The following CMTM8 variants were observed in gnomAD, a reference collection of about 807,000 sequenced individuals.
The protein encoded by CMTM8 is CKLF-like MARVEL transmembrane domain-containing protein 8.
Under a neutral mutation model 18.6 loss-of-function variants are expected in CMTM8, and 12 were observed. The observed-to-expected ratio is 0.65, with a 90% CI of 0.41 to 1.05. The LOEUF (loss-of-function observed/expected upper bound fraction) is 1.05. Ranked by LOEUF, CMTM8 falls within the 50% of genes least tolerant of loss-of-function variation. CMTM8 has a pLI of 0.00. For missense variants in CMTM8, 217 were observed against 227.2 expected (o/e 0.95, Z 0.29); for synonymous variants, 87 against 90.6 (o/e 0.96, Z 0.23).
chr3:32,366,401 A>G (rs1004327222), intron 2 of CMTM8, among the ~76,000 whole-genome samples: 3 of 152,190 alleles, frequency 2.0e-5, no homozygotes, highest in Non-Finnish European at 4.4e-5. Context: ...CCCCTCGTCC[A>G]CATGGGCTCG....
chr3:32,320,357 T>C (rs1696020266), intron 1 of CMTM8, among the ~76,000 whole-genome samples: 1 of 152,166 alleles, frequency 6.6e-6, no homozygotes, highest in South Asian at 2.1e-4. Context: ...CTTTAAGCTG[T>C]ATGAAAGAAG....
intron 1 of CMTM8, among the ~76,000 whole-genome samples, chr3:32,346,698 A>G (rs1696601778): frequency 6.6e-6 from 1 of 152,158 alleles, no homozygotes; most frequent in African/African-American, 2.4e-5. Context: ...CAAAGGCCCT[A>G]CGTCCTGATA....
intron 2 of CMTM8, among the ~76,000 whole-genome samples, chr3:32,359,613 T>G (rs1696883016): frequency 6.6e-6 from 1 of 151,958 alleles, no homozygotes; most frequent in South Asian, 2.1e-4. Flanking sequence ...ACAAAACTAG[T>G]GATGGGCCAG....
chr3:32,312,083 C>T (rs1695830803), intron 1 of CMTM8, among the ~76,000 whole-genome samples: 1 of 152,162 alleles, frequency 6.6e-6, no homozygotes, highest in African/African-American at 2.4e-5. Context: ...CTTTGTTGAA[C>T]TACAGGGTAT....
At chr3:32,289,784 G>T (rs771127018) in intron 1 of CMTM8, among the ~76,000 whole-genome samples, 3 of 152,120 alleles carry the variant, frequency 2.0e-5, no homozygotes, top group Non-Finnish European at 4.4e-5. Flanking sequence ...TTCATCGTAG[G>T]CCCTGGAGGC....
At chr3:32,285,348 C>T (rs930250381) in intron 1 of CMTM8, among the ~76,000 whole-genome samples, 1 of 151,944 alleles carries the variant, frequency 6.6e-6, no homozygotes, top group Non-Finnish European at 1.5e-5. Context: ...AACCCCATCT[C>T]TACTAAAAAT....
At chr3:32,327,546 G>C (rs1288904540) in intron 1 of CMTM8, among the ~76,000 whole-genome samples, 1 of 152,144 alleles carries the variant, frequency 6.6e-6, no homozygotes, top group Non-Finnish European at 1.5e-5. Flanking sequence ...TTGAATTTGA[G>C]ACTCCCAAGC....
At chr3:32,262,059 G>T (rs1012363249) in intron 1 of CMTM8, among the ~76,000 whole-genome samples, 1 of 152,118 alleles carries the variant, frequency 6.6e-6, no homozygotes, top group Non-Finnish European at 1.5e-5. Flanking sequence ...CCATGGAACT[G>T]GCCTGCCATC....
chr3:32,344,215 G>A (rs1696552883), intron 1 of CMTM8, among the ~76,000 whole-genome samples: 1 of 152,188 alleles, frequency 6.6e-6, no homozygotes, highest in African/African-American at 2.4e-5. Flanking sequence ...TCAGAGGTAT[G>A]CTGAGATCTC....
intron 2 of CMTM8, among the ~76,000 whole-genome samples, chr3:32,359,987 G>A (rs1002598004): frequency 6.6e-6 from 1 of 152,172 alleles, no homozygotes; most frequent in African/African-American, 2.4e-5. Context: ...CTCTGCCTGA[G>A]CGGTAGGTAG....
chr3:32,333,905 T>C (rs1696330597), intron 1 of CMTM8, among the ~76,000 whole-genome samples: 1 of 152,096 alleles, frequency 6.6e-6, no homozygotes, highest in African/African-American at 2.4e-5. Flanking sequence ...ATCAATTATA[T>C]AAATTATAGG....
intron 1 of CMTM8, among the ~76,000 whole-genome samples, chr3:32,332,778 G>C (rs556741144): frequency 6.6e-6 from 1 of 152,274 alleles, no homozygotes; most frequent in African/African-American, 2.4e-5. Context: ...AACTCTGTTG[G>C]ACTTGGGAAA....
chr3:32,261,396 A>T (rs1702256168), intron 1 of CMTM8, among the ~76,000 whole-genome samples: 1 of 152,220 alleles, frequency 6.6e-6, no homozygotes, highest in African/African-American at 2.4e-5. Flanking sequence ...AAATATGCTT[A>T]AAAATATATT....
intron 1 of CMTM8, among the ~76,000 whole-genome samples, chr3:32,355,546 G>C (rs1179049484): frequency 6.6e-6 from 1 of 151,992 alleles, no homozygotes; most frequent in Non-Finnish European, 1.5e-5. Flanking sequence ...TTGGATTATT[G>C]CACGCTCTCT....
At chr3:32,273,735 A>G (rs1026240471) in intron 1 of CMTM8, among the ~76,000 whole-genome samples, 1 of 152,094 alleles carries the variant, frequency 6.6e-6, no homozygotes, top group African/African-American at 2.4e-5. Context: ...TCTTTTGGGG[A>G]TGATAAAAAT....
intron 1 of CMTM8, among the ~76,000 whole-genome samples, chr3:32,350,490 T>C (rs1200300348): frequency 6.6e-6 from 1 of 150,594 alleles, no homozygotes; most frequent in Non-Finnish European, 1.5e-5. Flanking sequence ...CCCGAGTAGC[T>C]GGGATTACAG....
At chr3:32,275,692 C>G (rs967817596) in intron 1 of CMTM8, among the ~76,000 whole-genome samples, 3 of 143,638 alleles carry the variant, frequency 2.1e-5, no homozygotes, top group Non-Finnish European at 4.5e-5. Context: ...CTGTGTCACC[C>G]AGGCTGGAGT....
chr3:32,242,230 A>G (rs1701953034), intron 1 of CMTM8, among the ~76,000 whole-genome samples: 1 of 152,266 alleles, frequency 6.6e-6, no homozygotes, highest in Non-Finnish European at 1.5e-5. Flanking sequence ...TCTATACACA[A>G]TTCCTAGTTC....
chr3:32,287,724 G>A lies in CMTM8; in HGVS notation c.147+48605G>A, dbSNP rs72619951. On this transcript the variant is annotated intron_variant, in intron 1 of 3. Coordinates refer to ENST00000307526, the MANE Select transcript of CMTM8 (RefSeq NM_178868.5). ...AGAAAATTATTATTTGAATAAAAGT[G>A]CACATTATTTTATGTGTCCGCCATT... is the stretch of plus-strand genomic sequence containing the variant. Among the ~76,000 whole-genome samples, 6,536 of 152,202 alleles carry A rather than the reference G, an allele frequency of 0.043. 640 individuals carry two copies. The East Asian group carries it at 0.44, about 10-fold the overall frequency.
Sources: allele counts gnomAD v4.1 joint callset (sites outside exome capture counted in the v4.1 genomes callset), GRCh38; gene constraint gnomAD v4.1.1; transcripts MANE v1.5; gene names NCBI Gene and HGNC (gene_info 2026-07-23, HGNC 2026-07-21).